Variants in RP1L1 observed in about 807,000 individuals in gnomAD.
RP1L1 encodes the protein retinitis pigmentosa 1-like 1 protein.
RP1L1 carries 27 observed loss-of-function variants against 15.7 expected under a neutral mutation model. The observed-to-expected ratio is 1.72, with a 90% CI of 1.27 to 2.38. The LOEUF (loss-of-function observed/expected upper bound fraction) is 2.38, where lower values mean the gene tolerates loss of function less well. Among genes scored for constraint, RP1L1 ranks in the 30% most tolerant of loss-of-function variants. RP1L1 has a pLI of 0.00. For missense variants in RP1L1, 4,798 were observed against 3,075.9 expected, an observed-to-expected ratio of 1.56 and a Z score of -13.24; for synonymous variants, 1,813 against 1,276.7, an observed-to-expected ratio of 1.42 and a Z score of -8.96.
At position 10,613,101 on chromosome 8, in the gene RP1L1, C is replaced by G. The variant is rs780164110; in HGVS notation, c.997G>C (p.Gly333Arg). 1.2e-6 allele frequency: 2 copies of G among 1,613,792 alleles called. No homozygotes were observed. Among genetic ancestry groups the G allele is most frequent in the African/African-American group, 2.7e-5 (2 of 74,952 alleles). ...CGGGACCATAGGAGCGTGTCCTCGC[C>G]GACCAGGTGGAAGCGGACTTTCATC... ...VEMKVRFHLV[G>R]EDTLLWSRRM... The change falls in exon 4 of 4, where the codon GGC becomes CGC. Residue 333 changes from glycine to arginine, a missense_variant. Gly to Arg is a moderately radical substitution (Grantham distance 125, BLOSUM62 -2). Transcript: ENST00000382483.
intron 1 of RP1L1, among the ~76,000 whole-genome samples, chr8:10,626,301 C>T (rs1798156722): frequency 6.6e-6 from 1 of 152,096 alleles, no homozygotes; most frequent in Non-Finnish European, 1.5e-5. Context: ...CAAGCTAGGC[C>T]CCAGAGGGCT....
intron 1 of RP1L1, among the ~76,000 whole-genome samples, chr8:10,628,090 G>C (rs1798185692): frequency 6.6e-6 from 1 of 152,192 alleles, no homozygotes; most frequent in South Asian, 2.1e-4. Context: ...GCTTCTGGAG[G>C]TCTCCAGGTT....
Position 10,607,580 on chromosome 8 carries a change from GCCT to G in RP1L1, c.6515_6517del (p.Glu2172del), listed in dbSNP as rs758203246. On this transcript the variant is annotated inframe_deletion, in exon 4 of 4. Transcript: ENST00000382483. ...CTCTACACCTTCTAACTCTGGTTGG[GCCT>G]CCTCTTCAGCCTCCTGGGCCTCTAT... 3 of 1,563,822 alleles carry G rather than the reference GCCT, an allele frequency of 1.9e-6. No individual in the cohort carries two copies. Among genetic ancestry groups the G allele is most frequent in the Non-Finnish European group, 2.6e-6 (3 of 1,145,698 alleles).
chr8:10,623,110 G>A lies in RP1L1; in HGVS notation c.92C>T (p.Thr31Met), dbSNP rs370516875. The stretch of plus-strand genomic sequence containing the variant: ...GAGGAAGGTGATCTTCTTGGCTGGC[G>A]TGACCTTGGTGACCGAGGGGGTGCG... ...VARTPSVTKVTPAKKITFLKR... is the reference protein window; with the variant it reads ...VARTPSVTKVMPAKKITFLKR... Residue 31 changes from threonine (T) to methionine (M), a missense_variant, in exon 2 of 4, where the codon ACG becomes ATG. Physicochemically the swap from Thr to Met is moderately conservative, Grantham distance 81. Transcript: ENST00000382483. 4.3e-5 allele frequency: 70 copies of A among 1,613,020 alleles called. No individual in the cohort carries two copies. In the Middle Eastern group the frequency reaches 6.6e-4, roughly 15 times the overall value.
At position 10,622,760 on chromosome 8, in the gene RP1L1, G is replaced by A; in HGVS notation, c.442C>T (p.Leu148Phe). ...AGCAGTATCCTCCGGGGGGTTTTAA[G>A]ACTCTTCCGGGAGGAGGAGGTGCCT... ...APGTSSSRKS[L>F]KTPRRILLIK... The change falls in exon 2 of 4, where the codon CTT becomes TTT. Residue 148 changes from leucine to phenylalanine, a missense_variant. Coordinates refer to ENST00000382483, the MANE Select transcript of RP1L1 (RefSeq NM_178857.6). 1.2e-6 allele frequency: 2 copies of A among 1,614,076 alleles called. No individual in the cohort carries two copies. Among genetic ancestry groups the A allele is most frequent in the South Asian group, 1.1e-5 (1 of 91,070 alleles).
intron 1 of RP1L1, among the ~76,000 whole-genome samples, chr8:10,653,954 C>T (rs1291284751): frequency 6.6e-6 from 1 of 152,184 alleles, no homozygotes; most frequent in East Asian, 1.9e-4. Context: ...AGTGTCTTTG[C>T]TCCTTTTCCC....
chr8:10,653,612 C>T (rs1371915854), intron 1 of RP1L1, among the ~76,000 whole-genome samples: 2 of 151,830 alleles, frequency 1.3e-5, no homozygotes, highest in Non-Finnish European at 2.9e-5. Flanking sequence ...TGCGCACACG[C>T]ACCTGTACAA....
Position 10,611,583 on chromosome 8 carries a change from G to A in RP1L1, c.2515C>T (p.Arg839Trp), listed in dbSNP as rs541106996. Residue 839 changes from arginine (R) to tryptophan (W), a missense_variant, in exon 4 of 4, where the codon CGG (arginine) becomes TGG (tryptophan). Coordinates refer to ENST00000382483, the MANE Select transcript of RP1L1 (RefSeq NM_178857.6). ...CAGCTAGCCTCAGGGGAGGGTCCCC[G>A]CTGGGCCTCTTGGGCCGGCTGCGTC... ...PGTQPAQEAQ[R>W]GPSPEASWLC... 55 of 1,610,098 alleles carry A rather than the reference G, an allele frequency of 3.4e-5. No individual in the cohort carries two copies. In the African/African-American group the frequency reaches 4.0e-4, roughly 12 times the overall value.
chr8:10,628,446 TG>T (rs2117236689), intron 1 of RP1L1, among the ~76,000 whole-genome samples: 1 of 152,208 alleles, frequency 6.6e-6, no homozygotes, highest in South Asian at 2.1e-4. Context: ...TACAAGTGCA[TG>T]GGCTCCTGCA....
At position 10,616,585 on chromosome 8, in the gene RP1L1, C is replaced by T. The variant is rs776170731; in HGVS notation, c.612G>A (p.Val204=). Residue 204 remains valine, a splice_region_variant and synonymous_variant, in exon 3 of 4, where the codon GTG becomes GTA. Coordinates refer to ENST00000382483, the MANE Select transcript of RP1L1 (RefSeq NM_178857.6). ...KQLYTTSGKK[V]DSLQALLHSP... is the part of the protein sequence containing the mutation. ...TGTGCAGCAGGGCCTGCAGCGAGTC[C>T]ACCTGAGGGAGGAGCGGGCGGGGTC... The T allele has an allele frequency of 5.0e-5, 80 of 1,611,426 alleles. No homozygotes were observed. In the South Asian group the frequency reaches 8.3e-4, roughly 17 times the overall value.
chr8:10,645,050 G>C (rs1173821980), intron 1 of RP1L1, among the ~76,000 whole-genome samples: 1 of 152,150 alleles, frequency 6.6e-6, no homozygotes, highest in Non-Finnish European at 1.5e-5. Flanking sequence ...TGTAGGATTG[G>C]GCATGGTGGC....
rs1304013764 is a variant in RP1L1, at chr8:10,613,126, C to G, written c.972G>C (p.Glu324Asp). The change falls in exon 4 of 4, where the codon GAG becomes GAC. Residue 324 changes from glutamate to aspartate, a missense_variant. By Grantham distance (45) the Glu-to-Asp change is conservative (BLOSUM62 2). Coordinates refer to ENST00000382483, the MANE Select transcript of RP1L1 (RefSeq NM_178857.6). ...CGACCAGGTGGAAGCGGACTTTCATCTCCACGGACAGGCTGCCGTCCTCAT... is the reference window on the plus strand; with the variant it reads ...CGACCAGGTGGAAGCGGACTTTCATGTCCACGGACAGGCTGCCGTCCTCAT... ...RMNEDGSLSV[E>D]MKVRFHLVGE... The G allele has an allele frequency of 6.2e-7, 1 of 1,613,970 alleles. No individual in the cohort carries two copies. The highest frequency in any genetic ancestry group is 2.2e-5 in the East Asian group (1 of 44,880).
At chr8:10,621,431 T>C (rs932281792) in intron 2 of RP1L1, 1 of 263,226 alleles carries the variant, frequency 3.8e-6, no homozygotes, top group Non-Finnish European at 7.5e-6. Flanking sequence ...GTTCCAGCAA[T>C]TCTCCTGCCT....
At chr8:10,650,500 C>G (rs141287152) in intron 1 of RP1L1, among the ~76,000 whole-genome samples, 2 of 151,474 alleles carry the variant, frequency 1.3e-5, no homozygotes, top group Non-Finnish European at 2.9e-5. Flanking sequence ...CTGTCACATT[C>G]GGGATGCAGA....
Position 10,609,214 on chromosome 8 carries a change from G to A in RP1L1, c.4884C>T (p.Pro1628=), listed in dbSNP as rs1442378762. 3 of 1,610,142 alleles carry A rather than the reference G, an allele frequency of 1.9e-6. No homozygotes were observed. Among genetic ancestry groups the A allele is most frequent in the African/African-American group, 2.7e-5 (2 of 74,934 alleles). The change falls in exon 4 of 4, where the codon CCC becomes CCT. Residue 1628 remains proline, a synonymous_variant. Transcript: ENST00000382483. The stretch of plus-strand genomic sequence containing the variant: ...GCTCGTCCTCCAGGGTGAAGGAGAG[G>A]GGCCCCAGGCCCAGGGTCCGCTCAG... ...AFSERTLGLG[P]LSFTLEDEPA...
At position 10,613,240 on chromosome 8, in the gene RP1L1, G is replaced by T; in HGVS notation, c.858C>A (p.Gly286=). 2 of 1,612,582 alleles carry T rather than the reference G, an allele frequency of 1.2e-6. No homozygotes were observed. Among genetic ancestry groups the T allele is most frequent in the Non-Finnish European group, 8.5e-7 (1 of 1,180,020 alleles). ...ERPGPSNPPV[G]PAPGRHPQDT... is the part of the protein sequence containing the mutation. ...CCTGAGGGTGCCTGCCAGGAGCAGG[G>T]CCCACCGGGGGGTTGCTAGGACCAG... The change falls in exon 4 of 4, where the codon GGC becomes GGA. Residue 286 remains glycine (G), a synonymous_variant. Transcript: ENST00000382483.
intron 1 of RP1L1, among the ~76,000 whole-genome samples, chr8:10,645,153 C>A (rs1400856250): frequency 6.6e-6 from 1 of 152,026 alleles, no homozygotes; most frequent in Admixed American, 6.6e-5. Flanking sequence ...ATAGCCAGAT[C>A]CCATCTCTAC....
In RP1L1 at chr8:10,612,168, G is replaced by C; in HGVS notation, c.1930C>G (p.Arg644Gly). Residue 644 changes from arginine (R) to glycine (G), a missense_variant, in exon 4 of 4, where the codon CGG becomes GGG. Coordinates refer to ENST00000382483, the MANE Select transcript of RP1L1 (RefSeq NM_178857.6). Reference protein sequence around the residue: ...SQQGQRRHRSRASAMSSPSSP... With the variant: ...SQQGQRRHRSGASAMSSPSSP... The stretch of plus-strand genomic sequence containing the variant: ...CTGGGTGAGGACATTGCACTGGCCC[G>C]GCTTCTGTGCCTTCTCTGCCCCTGC... 6.2e-7 allele frequency: 1 copy of C among 1,613,422 alleles called. No individual in the cohort carries two copies. The highest frequency in any genetic ancestry group is 8.5e-7 in the Non-Finnish European group (1 of 1,180,024).
chr8:10,648,498 G>A (rs1203799998), intron 1 of RP1L1, among the ~76,000 whole-genome samples: 1 of 152,152 alleles, frequency 6.6e-6, no homozygotes, highest in Admixed American at 6.5e-5. Context: ...CCACAGCTCT[G>A]AAACCCAGTA....
Sources: gnomAD v4.1 joint callset for allele counts (sites outside exome capture counted in the v4.1 genomes callset) on GRCh38, gnomAD v4.1.1 for gene constraint, MANE v1.5 for transcripts, NCBI Gene and HGNC (gene_info 2026-07-23, HGNC 2026-07-21) for gene names.